The following SCHIP1 variants were observed in gnomAD, a reference collection of about 807,000 sequenced individuals.
The protein encoded by SCHIP1 is schwannomin interacting protein 1.
A neutral mutation model predicts 29.7 loss-of-function variants in SCHIP1; 8 were observed. That is an observed-to-expected ratio of 0.27 (90% CI 0.16 to 0.49). The LOEUF is 0.49. Among genes scored for constraint, SCHIP1 ranks in the 20% least tolerant of loss-of-function variants. The probability of loss-of-function intolerance (pLI) is 0.99; values close to 1 mark genes in which losing one functional copy is unlikely to be tolerated. For missense variants in SCHIP1, 193 were observed against 294.6 expected (o/e 0.66, Z 2.52); for synonymous variants, 76 against 94.9 (o/e 0.80, Z 1.16).
chr3:159,740,199 T>C, the SCHIP1 span, among the ~76,000 whole-genome samples: 1 of 152,176 alleles, frequency 6.6e-6, no homozygotes. Flanking sequence ...ACAACTCAAT[T>C]CTCATTTGAG....
chr3:159,315,763 G>C, the SCHIP1 span, among the ~76,000 whole-genome samples: 3 of 151,862 alleles, frequency 2.0e-5, no homozygotes, highest in Non-Finnish European at 1.5e-5. Context: ...TATTTCTAAG[G>C]GTAGGTTTTG....
At chr3:159,399,960 C>T in the SCHIP1 span, among the ~76,000 whole-genome samples, 2 of 152,154 alleles carry the variant, frequency 1.3e-5, no homozygotes, top group African/African-American at 2.4e-5. Flanking sequence ...TTACAGGCTT[C>T]ACCTGGGCAT....
chr3:159,365,413 A>G, the SCHIP1 span, among the ~76,000 whole-genome samples: 2 of 152,264 alleles, frequency 1.3e-5, no homozygotes, highest in South Asian at 4.2e-4. Context: ...AGTGTCTAAA[A>G]TAGAACACAT....
chr3:159,680,968 T>A, the SCHIP1 span, among the ~76,000 whole-genome samples: 9 of 151,580 alleles, frequency 5.9e-5, no homozygotes, highest in Admixed American at 3.3e-4. Flanking sequence ...GCTTCGAATA[T>A]CAACTTTTGG....
chr3:159,735,533 A>G, the SCHIP1 span, among the ~76,000 whole-genome samples: 15 of 152,074 alleles, frequency 9.9e-5, 1 homozygote, highest in South Asian at 2.1e-4. Flanking sequence ...CCTGGCCCCA[A>G]TTGCTACTTT....
the SCHIP1 span, among the ~76,000 whole-genome samples, chr3:159,675,902 G>A: frequency 6.6e-6 from 1 of 151,752 alleles, no homozygotes; most frequent in Non-Finnish European, 1.5e-5. Flanking sequence ...GAGGCTGAGG[G>A]GGGCGGATCA....
the SCHIP1 span, among the ~76,000 whole-genome samples, chr3:159,383,537 AGT>A: frequency 7.3e-5 from 11 of 150,694 alleles, no homozygotes; most frequent in Non-Finnish European, 1.3e-4. Context: ...GAAGTCAGGT[AGT>A]GTGATGCCTC....
At chr3:159,448,986 G>A in the SCHIP1 span, among the ~76,000 whole-genome samples, 2 of 152,176 alleles carry the variant, frequency 1.3e-5, no homozygotes, top group African/African-American at 4.8e-5. Flanking sequence ...TCTAGAGGAA[G>A]ATGGGAAGAG....
the SCHIP1 span, among the ~76,000 whole-genome samples, chr3:159,756,476 C>T: frequency 6.6e-6 from 1 of 152,214 alleles, no homozygotes; most frequent in Non-Finnish European, 1.5e-5. Context: ...GCCCACGGCC[C>T]ACAAAACCAC....
chr3:159,573,958 A>T, the SCHIP1 span, among the ~76,000 whole-genome samples: 1 of 152,214 alleles, frequency 6.6e-6, no homozygotes, highest in Non-Finnish European at 1.5e-5. Context: ...TTTCAGCTCC[A>T]TCAGGTCATT....
the SCHIP1 span, among the ~76,000 whole-genome samples, chr3:159,812,678 G>T: frequency 6.6e-6 from 1 of 152,076 alleles, no homozygotes; most frequent in Admixed American, 6.5e-5. Flanking sequence ...AATTCACTTG[G>T]ATTTGTATAA....
the SCHIP1 span, among the ~76,000 whole-genome samples, chr3:159,512,876 C>A: frequency 6.6e-6 from 1 of 152,218 alleles, no homozygotes; most frequent in South Asian, 2.1e-4. Flanking sequence ...CCTCTGGTAA[C>A]CATCCTTCTA....
the SCHIP1 span, among the ~76,000 whole-genome samples, chr3:159,373,841 G>T: frequency 2.0e-5 from 3 of 152,056 alleles, no homozygotes; most frequent in Admixed American, 6.6e-5. Context: ...GGACATTTAG[G>T]TTGACTTCAT....
the SCHIP1 span, among the ~76,000 whole-genome samples, chr3:159,428,269 T>A: frequency 6.6e-6 from 1 of 152,004 alleles, no homozygotes; most frequent in Non-Finnish European, 1.5e-5. Context: ...ACCTACAAAA[T>A]GGGAGAAAAT....
chr3:159,589,327 G>A, the SCHIP1 span, among the ~76,000 whole-genome samples: 1 of 152,180 alleles, frequency 6.6e-6, no homozygotes, highest in African/African-American at 2.4e-5. Context: ...CTGAGACTTT[G>A]CTGAAGTTGC....
chr3:159,385,167 A>G, the SCHIP1 span, among the ~76,000 whole-genome samples: 2 of 152,202 alleles, frequency 1.3e-5, no homozygotes, highest in Non-Finnish European at 2.9e-5. Context: ...CTTGGTGATG[A>G]AGGGAAAAAG....
At chr3:159,504,372 T>C in the SCHIP1 span, among the ~76,000 whole-genome samples, 1 of 151,998 alleles carries the variant, frequency 6.6e-6, no homozygotes, top group African/African-American at 2.4e-5. Context: ...GAATTAGAGG[T>C]TTTTGTAATT....
chr3:159,829,654 G>A, the SCHIP1 span, among the ~76,000 whole-genome samples: 2 of 152,080 alleles, frequency 1.3e-5, no homozygotes, highest in African/African-American at 2.4e-5. Context: ...CAAAATCAAC[G>A]AACTTATAAA....
At chr3:159,881,837 C>G (rs1716467336) in intron 2 of SCHIP1, among the ~76,000 whole-genome samples, 1 of 152,198 alleles carries the variant, frequency 6.6e-6, no homozygotes, top group Non-Finnish European at 1.5e-5. Flanking sequence ...CTGTTCTGAG[C>G]TGGGCTTGGA....
Sources: gnomAD v4.1 joint callset for allele counts (sites outside exome capture counted in the v4.1 genomes callset) on GRCh38, gnomAD v4.1.1 for gene constraint, MANE v1.5 for transcripts, NCBI Gene and HGNC (gene_info 2026-07-23, HGNC 2026-07-21) for gene names.